The following USP7 variants were observed in gnomAD, a reference collection of about 807,000 sequenced individuals.
The protein encoded by USP7 is ubiquitin C-terminal hydrolase 7.
USP7 carries 9 observed loss-of-function variants against 162.9 expected under a neutral mutation model. The ratio of observed to expected loss-of-function variants is 0.06; its 90% CI spans 0.03 to 0.10. The LOEUF (loss-of-function observed/expected upper bound fraction) is 0.10. Among genes scored for constraint, USP7 ranks in the 10% least tolerant of loss-of-function variants. The pLI is 1.00. For missense variants in USP7, 715 were observed against 1,373.7 expected, an observed-to-expected ratio of 0.52 and a Z score of 7.58; for synonymous variants, 562 against 475.9, an observed-to-expected ratio of 1.18 and a Z score of -2.35.
chr16:8,922,150 C>T (rs1897728983), intron 3 of USP7, among the ~76,000 whole-genome samples: 1 of 152,226 alleles, frequency 6.6e-6, no homozygotes, highest in South Asian at 2.1e-4. Flanking sequence ...CTTTAACCAT[C>T]CACAGGCCCT....
intron 1 of USP7, among the ~76,000 whole-genome samples, chr16:8,947,737 T>A (rs1470247756): frequency 6.6e-6 from 1 of 152,080 alleles, no homozygotes; most frequent in Non-Finnish European, 1.5e-5. Context: ...GGTGAAGTCT[T>A]TTAGGACTTC....
At chr16:8,936,274 G>A (rs1256835306) in intron 1 of USP7, among the ~76,000 whole-genome samples, 1 of 152,028 alleles carries the variant, frequency 6.6e-6, no homozygotes, top group Admixed American at 6.6e-5. Flanking sequence ...TCTCTGGGTG[G>A]CTCACATGGC....
At chr16:8,927,254 AGAGG>A (rs1898060359) in intron 2 of USP7, among the ~76,000 whole-genome samples, 1 of 151,414 alleles carries the variant, frequency 6.6e-6, no homozygotes, top group African/African-American at 2.4e-5. Flanking sequence ...CCCGGGAGGC[AGAGG>A]GTGAGGTGAA....
chr16:8,922,884 G>A (rs943855146), intron 3 of USP7, among the ~76,000 whole-genome samples: 1 of 152,180 alleles, frequency 6.6e-6, no homozygotes, highest in Non-Finnish European at 1.5e-5. Context: ...ACAATGGAAA[G>A]GATGTCTGGC....
intron 3 of USP7, among the ~76,000 whole-genome samples, chr16:8,922,468 C>CA (rs1897749765): frequency 6.6e-6 from 1 of 152,182 alleles, no homozygotes; most frequent in Non-Finnish European, 1.5e-5. Flanking sequence ...AGCCTGGCGA[C>CA]AGAGTGAGAC....
intron 1 of USP7, chr16:8,949,493 C>G (rs964508108): frequency 6.6e-6 from 1 of 152,310 alleles, no homozygotes; most frequent in African/African-American, 2.4e-5. Flanking sequence ...AATGGACATA[C>G]CCAGGACAGC....
chr16:8,937,539 C>T (rs990321923), intron 1 of USP7, among the ~76,000 whole-genome samples: 2 of 151,738 alleles, frequency 1.3e-5, no homozygotes, highest in African/African-American at 4.8e-5. Flanking sequence ...AAAACTCTGT[C>T]TCAAAAAATA....
chr16:8,936,764 G>T lies in USP7; in HGVS notation c.80-6367C>A, dbSNP rs1898760449. On this transcript the variant is annotated intron_variant, in intron 1 of 30. Transcript: ENST00000344836. ...CACAGAAGCCTTGTCTTTAGGACCAGAAACATTCAAGCAACCTCAATTTAG... is the reference window on the plus strand; with the variant it reads ...CACAGAAGCCTTGTCTTTAGGACCATAAACATTCAAGCAACCTCAATTTAG... 2.3e-6 allele frequency: 3 copies of T among 1,319,464 alleles called. No homozygotes were observed. The African/African-American group carries it at 4.5e-5, about 20-fold the overall frequency. The allele number at this position is 1,319,464 out of a possible 1,614,324, so 81.7% of individuals were successfully genotyped here. A position where few individuals can be genotyped will look rare whatever the true frequency, so the allele number is the denominator to read the frequency against.
chr16:8,943,756 C>G (rs907402929), intron 1 of USP7, among the ~76,000 whole-genome samples: 1 of 152,168 alleles, frequency 6.6e-6, no homozygotes, highest in Non-Finnish European at 1.5e-5. Flanking sequence ...GTTGAATGTC[C>G]TTTCACTCAT....
intron 10 of USP7, among the ~76,000 whole-genome samples, chr16:8,914,696 T>G (rs551928456): frequency 6.2e-4 from 94 of 151,998 alleles, no homozygotes; most frequent in African/African-American, 2.2e-3. Flanking sequence ...GGCAGGAAGG[T>G]TGCTTAAACC....
chr16:8,901,860 C>T (rs1460317126), intron 18 of USP7: 3 of 564,558 alleles, frequency 5.3e-6, no homozygotes, highest in Admixed American at 6.5e-5. Flanking sequence ...GAAGACAGAA[C>T]AGGACGGCCC....
intron 6 of USP7, among the ~76,000 whole-genome samples, chr16:8,917,551 G>A (rs1897443335): frequency 6.6e-6 from 1 of 151,832 alleles, no homozygotes; most frequent in Non-Finnish European, 1.5e-5. Context: ...GCTAATTTAT[G>A]AATTTTCAGG....
Position 8,916,920 on chromosome 16 carries a change from G to A in USP7, c.851+106C>T, listed in dbSNP as rs1044868396. The A allele has an allele frequency of 5.2e-5, 67 of 1,283,450 alleles. No homozygotes were observed. The Admixed American group carries it at 1.9e-3, about 36-fold the overall frequency. The allele number at this position is 1,283,450 out of a possible 1,614,324, so 79.5% of individuals were successfully genotyped here. On this transcript the variant is annotated intron_variant, in intron 7 of 30. Transcript: ENST00000344836. Reference sequence around the variant, plus strand: ...AAATGCTCAAGCCTCCCTAAATTAAGTGCCTACAGTATGCTCTACTAACTT... The same window carrying A: ...AAATGCTCAAGCCTCCCTAAATTAAATGCCTACAGTATGCTCTACTAACTT...
intron 1 of USP7, among the ~76,000 whole-genome samples, chr16:8,945,510 C>T (rs1899236661): frequency 6.6e-6 from 1 of 152,154 alleles, no homozygotes; most frequent in African/African-American, 2.4e-5. Flanking sequence ...CAACAGACAC[C>T]TTGAACATTT....
chr16:8,916,590 G>T (rs758764377), intron 7 of USP7, 34 bp from the exon 8 acceptor site: 3 of 514,982 alleles, frequency 5.8e-6, no homozygotes, highest in African/African-American at 6.9e-5. Flanking sequence ...TCCATTTAAA[G>T]CTCAACTTTC....
At chr16:8,949,359 G>C (rs886661535) in intron 1 of USP7, among the ~76,000 whole-genome samples, 1 of 152,190 alleles carries the variant, frequency 6.6e-6, no homozygotes, top group Admixed American at 6.5e-5. Context: ...TGGGTACTAT[G>C]TAGGGAAAAA....
chr16:8,916,037 G>C (rs905612830), intron 8 of USP7, among the ~76,000 whole-genome samples: 1 of 152,150 alleles, frequency 6.6e-6, no homozygotes, highest in Non-Finnish European at 1.5e-5. Context: ...ATCACAACTG[G>C]AAGAATGAGG....
chr16:8,897,073 A>T lies in USP7; in HGVS notation c.2745T>A (p.His915Gln). The T allele has an allele frequency of 1.2e-6, 2 of 1,613,860 alleles. No homozygotes were observed. The highest frequency in any genetic ancestry group is 1.7e-6 in the Non-Finnish European group (2 of 1,179,732). ...EEEITLYPDKHGCVRDLLEEC... is the reference protein window; with the variant it reads ...EEEITLYPDKQGCVRDLLEEC... ...CTTCTAACAGGTCCCGGACACACCCATGCTTGTCTGGATATAGTGTTATTT... is the reference window on the plus strand; with the variant it reads ...CTTCTAACAGGTCCCGGACACACCCTTGCTTGTCTGGATATAGTGTTATTT... The change falls in exon 26 of 31, where the codon CAT becomes CAA. Residue 915 changes from histidine (H) to glutamine (Q), a missense_variant. Physicochemically the swap from His to Gln is conservative, Grantham distance 24. This residue lies in a region of USP7 where 222 missense variants were observed against 441.7 expected (regional missense o/e 0.50). Transcript: ENST00000344836.
chr16:8,950,182 T>C (rs747350145), intron 1 of USP7, among the ~76,000 whole-genome samples: 2 of 152,360 alleles, frequency 1.3e-5, no homozygotes, highest in Non-Finnish European at 2.9e-5. Flanking sequence ...ATGTATTTAA[T>C]TTAATCAACC....
Sources: gnomAD v4.1 joint callset for allele counts (sites outside exome capture counted in the v4.1 genomes callset) on GRCh38, gnomAD v4.1.1 for gene constraint, gnomAD v4.1.1 regional missense constraint, MANE v1.5 for transcripts, NCBI Gene and HGNC (gene_info 2026-07-23, HGNC 2026-07-21) for gene names.